The following DNAH10 variants were observed in gnomAD, a reference collection of about 807,000 sequenced individuals.
DNAH10 encodes the protein dynein axonemal heavy chain 10, also known as axonemal beta dynein heavy chain 10.
In DNAH10, 348 loss-of-function variants were observed where a neutral mutation model predicts 506.6. The observed-to-expected ratio is 0.69, with a 90% CI of 0.63 to 0.75. The LOEUF (loss-of-function observed/expected upper bound fraction) is 0.75, where lower values mean the gene tolerates loss of function less well. Among genes scored for constraint, DNAH10 ranks in the 30% least tolerant of loss-of-function variants. The pLI, the probability that DNAH10 is intolerant of heterozygous loss-of-function variation, is 0.00. For missense variants in DNAH10, 5,179 were observed against 5,787.1 expected (o/e 0.89, Z 3.41); for synonymous variants, 2,059 against 2,198.6 (o/e 0.94, Z 1.78).
At chr12:123,818,486 G>A (rs146364969) in intron 21 of DNAH10, among the ~76,000 whole-genome samples, 2,101 of 151,812 alleles carry the variant, frequency 0.014, 44 homozygotes, top group African/African-American at 0.047. Flanking sequence ...ACCACGCCTG[G>A]CTAATTTTTG....
chr12:123,910,486 C>G, intron 58 of DNAH10, 50 bp from the exon 59 acceptor site: 1 of 1,596,050 alleles, frequency 6.3e-7, no homozygotes, highest in South Asian at 1.1e-5. Flanking sequence ...ATTTTATGCT[C>G]CCAAGATGAA....
chr12:123,877,721 CTT>C lies in DNAH10; in HGVS notation c.8200-13_8200-12del, dbSNP rs768579838. 6.2e-7 allele frequency: 1 copy of C among 1,604,718 alleles called. No individual in the cohort carries two copies. Among genetic ancestry groups the C allele is most frequent in the Admixed American group, 1.7e-5 (1 of 58,554 alleles). On this transcript the variant is annotated splice_polypyrimidine_tract_variant and intron_variant, in intron 47 of 78. Transcript: ENST00000673944. The stretch of plus-strand genomic sequence containing the variant: ...GACATTTGTGTGTTGGGGGGGGTGT[CTT>C]TGCATTTTTCAGACGTTTCATGAGA...
intron 51 of DNAH10, among the ~76,000 whole-genome samples, chr12:123,883,239 A>G (rs1328956402): frequency 6.6e-6 from 1 of 152,212 alleles, no homozygotes; most frequent in East Asian, 1.9e-4. Context: ...TACAAGTGGA[A>G]TTGCGGGATC....
intron 9 of DNAH10, among the ~76,000 whole-genome samples, chr12:123,786,528 T>C (rs1957859292): frequency 6.6e-6 from 1 of 151,948 alleles, no homozygotes; most frequent in African/African-American, 2.4e-5. Context: ...TCAGACACTA[T>C]GTGACTTTTA....
intron 57 of DNAH10, among the ~76,000 whole-genome samples, chr12:123,904,376 A>G (rs1016494408): frequency 1.6e-4 from 24 of 152,212 alleles, no homozygotes; most frequent in African/African-American, 5.8e-4. Flanking sequence ...GGAAATTTCT[A>G]GCTACCGGTG....
At chr12:123,894,247 C>T (rs115322745) in intron 53 of DNAH10, among the ~76,000 whole-genome samples, 1,788 of 151,844 alleles carry the variant, frequency 0.012, 40 homozygotes, top group African/African-American at 0.04. Flanking sequence ...CACACCACCA[C>T]GCTGCCTGGC....
intron 67 of DNAH10, among the ~76,000 whole-genome samples, chr12:123,924,642 C>G (rs1178614464): frequency 6.7e-6 from 1 of 150,254 alleles, no homozygotes; most frequent in African/African-American, 2.5e-5. Flanking sequence ...GTCCGTCCGT[C>G]CATCCATCCA....
rs1238599141 is a variant in DNAH10, at chr12:123,916,889, G to A, written c.11002+153G>A. ...GGACTAGTCAGCTCTTACCAATTAGGTACCACTTAGAAGGTGTGAGGCCAT... is the reference window on the plus strand; with the variant it reads ...GGACTAGTCAGCTCTTACCAATTAGATACCACTTAGAAGGTGTGAGGCCAT... On this transcript the variant is annotated intron_variant, in intron 63 of 78. Transcript: ENST00000673944. This position sits in a 1 kb window ranked among gnomAD's most constrained non-coding sequence, Gnocchi z 4.6. Among the ~76,000 whole-genome samples, 1 of 152,194 alleles carries A rather than the reference G, an allele frequency of 6.6e-6. No individual in the cohort carries two copies. Among genetic ancestry groups the A allele is most frequent in the Non-Finnish European group, 1.5e-5 (1 of 68,036 alleles).
intron 11 of DNAH10, among the ~76,000 whole-genome samples, chr12:123,791,751 A>T (rs1328776376): frequency 1.3e-5 from 2 of 152,042 alleles, no homozygotes; most frequent in Non-Finnish European, 2.9e-5. Context: ...AAAATTTTTA[A>T]GTAGAGATGA....
intron 49 of DNAH10, 51 bp downstream of exon 49, chr12:123,879,408 C>A: frequency 6.5e-7 from 1 of 1,541,630 alleles, no homozygotes; most frequent in Non-Finnish European, 8.8e-7. Flanking sequence ...GGAAAATAAA[C>A]AAGCGCCAAA....
At chr12:123,767,553 A>C in intron 1 of DNAH10, 53 bp from the exon 2 acceptor site, 1 of 1,533,590 alleles carries the variant, frequency 6.5e-7, no homozygotes, top group East Asian at 2.4e-5. Flanking sequence ...CAGGTGTTTC[A>C]TGCAGTGAAC....
intron 18 of DNAH10, among the ~76,000 whole-genome samples, chr12:123,805,979 T>G (rs1958659785): frequency 6.6e-6 from 1 of 152,190 alleles, no homozygotes; most frequent in Non-Finnish European, 1.5e-5. Flanking sequence ...GGTTTCACCG[T>G]GTTAGCCAGG....
chr12:123,904,332 G>T (rs1004442455), intron 57 of DNAH10, among the ~76,000 whole-genome samples: 6 of 152,162 alleles, frequency 3.9e-5, no homozygotes, highest in African/African-American at 1.4e-4. Flanking sequence ...CCAGCGGAGG[G>T]GTAGGAGACA....
rs1480878675 is a variant in DNAH10 at position 123,913,682 on chromosome 12, C to T, written c.10352+367C>T. Among the ~76,000 whole-genome samples, 2 of 152,218 alleles carry T rather than the reference C, an allele frequency of 1.3e-5. No homozygotes were observed. Among genetic ancestry groups the T allele is most frequent in the African/African-American group, 2.4e-5 (1 of 41,460 alleles). On this transcript the variant is annotated intron_variant, in intron 60 of 78. Coordinates refer to ENST00000673944, the MANE Select transcript of DNAH10 (RefSeq NM_001372106.1). This position sits in a 1 kb window ranked among gnomAD's most constrained non-coding sequence, Gnocchi z 5.1. ...GGAGAAGCCCATCTCTGTCACCGCACAGATGCCTTCTAAGGGTCCCAGTGG... is the reference window on the plus strand; with the variant it reads ...GGAGAAGCCCATCTCTGTCACCGCATAGATGCCTTCTAAGGGTCCCAGTGG...
At chr12:123,830,482 G>T in intron 25 of DNAH10, 64 bp from the exon 26 acceptor site, 1 of 1,449,350 alleles carries the variant, frequency 6.9e-7, no homozygotes. Context: ...GATTTAAATG[G>T]GAGTAATTGA....
Position 123,917,499 on chromosome 12 carries a change from T to C in DNAH10, c.11003-85T>C. 2 of 1,399,348 alleles carry C rather than the reference T, an allele frequency of 1.4e-6. No homozygotes were observed. Among genetic ancestry groups the C allele is most frequent in the Non-Finnish European group, 1.9e-6 (2 of 1,026,304 alleles). 86.7% of individuals were successfully genotyped at this position (1,399,348 alleles called of 1,614,324 possible). A position where few individuals can be genotyped will look rare whatever the true frequency, so the allele number is the denominator to read the frequency against. On this transcript the variant is annotated intron_variant, in intron 63 of 78. Transcript: ENST00000673944. The surrounding 1 kb of genome is among the most constrained non-coding windows in gnomAD (Gnocchi z 5.6). ...CTGGCCTGCTGGCTGAGACCCGCGC[T>C]AAGCTTGTCCCGTCACAGCAGGGCA...
chr12:123,764,318 C>T (rs1956937813), intron 1 of DNAH10, among the ~76,000 whole-genome samples: 1 of 152,104 alleles, frequency 6.6e-6, no homozygotes, highest in Non-Finnish European at 1.5e-5. Context: ...AACCTTCCAG[C>T]CTATTATTTT....
intron 19 of DNAH10, among the ~76,000 whole-genome samples, chr12:123,809,178 A>C (rs1463216479): frequency 6.6e-6 from 1 of 152,120 alleles, no homozygotes; most frequent in Non-Finnish European, 1.5e-5. Context: ...TCTCTCACCC[A>C]GCCCTGCCCG....
rs1442671842 is a variant in DNAH10, at chr12:123,826,712, C to A, written c.4205C>A (p.Thr1402Asn). Residue 1402 changes from threonine (T) to asparagine (N), a missense_variant, in exon 25 of 79, where the codon ACC (threonine) becomes AAC (asparagine). Thr to Asn is a moderately conservative substitution (Grantham distance 65, BLOSUM62 0). Around this residue, in one of 3 missense-constraint regions of DNAH10, gnomAD observed 4,844 missense variants for 5,430.5 expected, o/e 0.89. Coordinates refer to ENST00000673944, the MANE Select transcript of DNAH10 (RefSeq NM_001372106.1). ...GTTGCAAAAGAAGAATGGTCTCAGA[C>A]CCTTTGGATCAACCTGAATGTGCAG... ...LKVAKEEWSQ[T>N]LWINLNVQIL... 43 of 1,613,576 alleles carry A rather than the reference C, an allele frequency of 2.7e-5. No homozygotes were observed. Among genetic ancestry groups the A allele is most frequent in the Non-Finnish European group, 3.5e-5 (41 of 1,179,756 alleles).
Sources: allele counts gnomAD v4.1 joint callset (sites outside exome capture counted in the v4.1 genomes callset), GRCh38; gene constraint gnomAD v4.1.1; regional missense constraint gnomAD v4.1.1; non-coding constraint Gnocchi (gnomAD v3.1); transcripts MANE v1.5; gene names NCBI Gene and HGNC (gene_info 2026-07-23, HGNC 2026-07-21).